Variants in PSMC6 observed in about 807,000 individuals in gnomAD.
PSMC6 encodes the protein 26S proteasome regulatory subunit 10B.
Under a neutral mutation model 55.9 loss-of-function variants are expected in PSMC6, and 3 were observed. That is an observed-to-expected ratio of 0.05 (90% CI 0.02 to 0.14). PSMC6 has a LOEUF of 0.14. PSMC6 is among the 10% of genes least tolerant of loss of function. The pLI is 1.00. For synonymous variants in PSMC6, 137 were observed against 155.9 expected (o/e 0.88, Z 0.90); for missense variants, 210 against 478.7 (o/e 0.44, Z 5.24).
At chr14:52,712,962 T>C (rs890474998) in intron 6 of PSMC6, among the ~76,000 whole-genome samples, 12 of 152,074 alleles carry the variant, frequency 7.9e-5, no homozygotes, top group Admixed American at 3.3e-4. Flanking sequence ...TCAGGCATGG[T>C]GGCTCACGCC....
intron 4 of PSMC6, chr14:52,710,575 C>T (rs774898079): frequency 5.4e-5 from 9 of 166,174 alleles, no homozygotes; most frequent in Non-Finnish European, 1.0e-4. Flanking sequence ...TCAGCATGTG[C>T]CTGTCATGTA....
intron 13 of PSMC6, among the ~76,000 whole-genome samples, chr14:52,724,598 TTTATGA>T (rs1301823089): frequency 9.2e-5 from 14 of 152,236 alleles, no homozygotes; most frequent in Non-Finnish European, 2.1e-4. Context: ...GAAAGATTGA[TTTATGA>T]ATTATGTGAT....
At chr14:52,726,535 T>A (rs1014065804) in intron 13 of PSMC6, among the ~76,000 whole-genome samples, 1 of 152,220 alleles carries the variant, frequency 6.6e-6, no homozygotes, top group South Asian at 2.1e-4. Context: ...TCAAGTTAAG[T>A]TACGCTTAAA....
At chr14:52,723,607 T>A (rs1880283627) in intron 12 of PSMC6, 1 of 199,794 alleles carries the variant, frequency 5.0e-6, no homozygotes, top group Admixed American at 5.7e-5. Flanking sequence ...GTTTTGAGTG[T>A]TATAGGTTTA....
chr14:52,719,588 C>T (rs1365989122), intron 10 of PSMC6, among the ~76,000 whole-genome samples: 3 of 152,170 alleles, frequency 2.0e-5, no homozygotes. Context: ...TTTTCCACTT[C>T]AAATAGAAAC....
At chr14:52,708,848 A>T (rs200158589) in intron 4 of PSMC6, 32 bp downstream of exon 4, 1 of 1,607,168 alleles carries the variant, frequency 6.2e-7, no homozygotes, top group South Asian at 1.1e-5. Context: ...GTGCCTGATG[A>T]TTGACAAAGC....
chr14:52,707,252 C>G lies in PSMC6; in HGVS notation c.33C>G (p.Asp11Glu), dbSNP rs1436451444. ...ACCCTAGAGATAAGGCGCTTCAGGA[C>G]TACCGCAAGAAGTTGCTTGAACACA... MADPRDKALQ[D>E]YRKKLLEHKE... The change falls in exon 1 of 14, where the codon GAC becomes GAG. Residue 11 changes from aspartate to glutamate, a missense_variant. Asp to Glu is a conservative substitution (Grantham distance 45). Transcript: ENST00000445930. The G allele has an allele frequency of 1.9e-6, 3 of 1,614,046 alleles. No homozygotes were observed. Among genetic ancestry groups the G allele is most frequent in the South Asian group, 1.1e-5 (1 of 91,084 alleles).
intron 6 of PSMC6, 116 bp from the exon 7 acceptor site, chr14:52,713,765 G>A: frequency 1.7e-6 from 1 of 581,370 alleles, no homozygotes; most frequent in Non-Finnish European, 3.0e-6. Context: ...GGAAGTCTAG[G>A]TCTATTAAGA....
chr14:52,718,176 T>C (rs1594851657), intron 8 of PSMC6, 34 bp downstream of exon 8: 1 of 1,610,452 alleles, frequency 6.2e-7, no homozygotes, highest in Non-Finnish European at 8.5e-7. Context: ...TTATTGAAAT[T>C]TAATTTTACT....
At chr14:52,716,582 C>G (rs372442297) in intron 7 of PSMC6, among the ~76,000 whole-genome samples, 2 of 152,144 alleles carry the variant, frequency 1.3e-5, no homozygotes, top group East Asian at 3.9e-4. Context: ...GGAGAAACCC[C>G]GTCTCTGCTG....
intron 6 of PSMC6, among the ~76,000 whole-genome samples, chr14:52,713,019 G>A (rs371792465): frequency 1.3e-5 from 2 of 152,052 alleles, no homozygotes; most frequent in African/African-American, 4.8e-5. Flanking sequence ...ATCATCTGAG[G>A]TCAGGAGTTC....
chr14:52,726,139 T>G (rs1055090976), intron 13 of PSMC6, among the ~76,000 whole-genome samples: 4 of 152,188 alleles, frequency 2.6e-5, no homozygotes, highest in Admixed American at 2.6e-4. Context: ...AGCAATAAAC[T>G]TACCTGCTTT....
chr14:52,724,045 T>G lies in PSMC6; in HGVS notation c.1051+9T>G. 1.2e-6 allele frequency: 2 copies of G among 1,608,240 alleles called. No individual in the cohort carries two copies. Among genetic ancestry groups the G allele is most frequent in the Non-Finnish European group, 8.5e-7 (1 of 1,176,120 alleles). ...TGTTTGTACTGAAGCAGGTAAGGGT[T>G]TAAAGTACAGTTTTACTATTGATTT... On this transcript the variant is annotated intron_variant, in intron 13 of 13. Transcript: ENST00000445930.
rs1363122948 is a variant in PSMC6 at position 52,727,576 on chromosome 14, T to G, written c.1129T>G (p.Ser377Ala). The G allele has an allele frequency of 6.2e-7, 1 of 1,611,772 alleles. No individual in the cohort carries two copies. The highest frequency in any genetic ancestry group is 8.5e-7 in the Non-Finnish European group (1 of 1,179,698). ...FMKAVRKVAD[S>A]KKLESKLDYK... is the part of the protein sequence containing the mutation. Reference sequence around the variant, plus strand: ...GAAAGCAGTCAGAAAAGTGGCTGATTCTAAGAAGCTGGAGTCTAAATTGGA... The same window carrying G: ...GAAAGCAGTCAGAAAAGTGGCTGATGCTAAGAAGCTGGAGTCTAAATTGGA... The change falls in exon 14 of 14, where the codon TCT becomes GCT. Residue 377 changes from serine to alanine, a missense_variant. Around this residue, in one of 4 missense-constraint regions of PSMC6, gnomAD observed 79 missense variants for 158.7 expected, o/e 0.50. Transcript: ENST00000445930.
At chr14:52,720,792 T>C (rs989742604) in intron 10 of PSMC6, 69 bp from the exon 11 acceptor site, 1 of 1,268,166 alleles carries the variant, frequency 7.9e-7, no homozygotes, top group Non-Finnish European at 1.1e-6. Context: ...GCATTAGACA[T>C]ATAAAAGGTG....
intron 4 of PSMC6, chr14:52,710,780 G>A (rs1369382115): frequency 6.1e-6 from 2 of 327,310 alleles, no homozygotes; most frequent in Non-Finnish European, 1.1e-5. Context: ...TCCCTAAAAT[G>A]TTCACTAAGG....
At chr14:52,721,567 G>A (rs73296893) in intron 12 of PSMC6, 5,319 of 158,250 alleles carry the variant, frequency 0.034, 323 homozygotes, top group African/African-American at 0.12. Context: ...TTTGGAGGCC[G>A]AGGCAGAAGG....
intron 13 of PSMC6, among the ~76,000 whole-genome samples, chr14:52,726,798 C>T (rs1055638714): frequency 2.0e-5 from 3 of 151,700 alleles, no homozygotes; most frequent in African/African-American, 4.8e-5. Flanking sequence ...CCCACTACTA[C>T]GCCCAGCTAA....
chr14:52,713,830 A>G, intron 6 of PSMC6, 51 bp from the exon 7 acceptor site: 1 of 1,191,086 alleles, frequency 8.4e-7, no homozygotes, highest in South Asian at 1.3e-5. Context: ...ATTTGAAAGT[A>G]CATTAAAAAT....
Sources: gnomAD v4.1 joint callset for allele counts (sites outside exome capture counted in the v4.1 genomes callset) on GRCh38, gnomAD v4.1.1 for gene constraint, gnomAD v4.1.1 regional missense constraint, MANE v1.5 for transcripts, NCBI Gene and HGNC (gene_info 2026-07-23, HGNC 2026-07-21) for gene names.